GNG12: variants seen among roughly 807,000 people sequenced by gnomAD.
The protein encoded by GNG12 is guanine nucleotide-binding protein G(I)/G(S)/G(O) subunit gamma-12.
For synonymous variants in GNG12, 28 were observed against 29.7 expected (o/e 0.94, Z 0.19); for missense variants, 69 against 83.8 (o/e 0.82, Z 0.69).
chr1:67,804,666 A>G (rs1365425796), intron 1 of GNG12, among the ~76,000 whole-genome samples: 3 of 152,116 alleles, frequency 2.0e-5, no homozygotes, highest in Non-Finnish European at 4.4e-5. Context: ...TTGGAGAGAT[A>G]GGCAGGTAGA....
chr1:67,710,078 ATATATATATAGT>A (rs1272589426), intron 2 of GNG12, among the ~76,000 whole-genome samples: 2 of 23,082 alleles, frequency 8.7e-5, no homozygotes, highest in Non-Finnish European at 1.5e-4. Context: ...ATATATAGTT[ATATATATATAGT>A]TATATATATA....
intron 1 of GNG12, among the ~76,000 whole-genome samples, chr1:67,820,381 C>CAA (rs762387033): frequency 3.8e-5 from 4 of 106,290 alleles, no homozygotes; most frequent in African/African-American, 1.0e-4. Flanking sequence ...GACTCCATCT[C>CAA]AAAAAAAAAA....
rs1207727546 is a variant in GNG12 at position 67,702,987 on chromosome 1, T to C, written c.*2464A>G. 1.3e-5 allele frequency: 2 copies of C among 152,222 alleles called. No homozygotes were observed. The highest frequency in any genetic ancestry group is 2.9e-5 in the Non-Finnish European group (2 of 68,030). The allele number at this position is 152,222 out of a possible 1,614,324, so 9.4% of individuals were successfully genotyped here. On this transcript the variant is annotated 3_prime_UTR_variant, in exon 4 of 4. Transcript: ENST00000370982. ...CCAACTGTTGCAGACAGTTAAACTG[T>C]GGCTTTGTAAGGAGAATAAAGCCTG...
chr1:67,803,873 CAACAA>C (rs373252668), intron 1 of GNG12, among the ~76,000 whole-genome samples: 7 of 152,052 alleles, frequency 4.6e-5, no homozygotes, highest in Non-Finnish European at 8.8e-5. Context: ...GCAAGTGTAC[CAACAA>C]AACAAAACAA....
At chr1:67,780,474 T>C (rs1234851489) in intron 1 of GNG12, among the ~76,000 whole-genome samples, 1 of 152,180 alleles carries the variant, frequency 6.6e-6, no homozygotes, top group African/African-American at 2.4e-5. Context: ...GCAGAATCCC[T>C]GAAGGTTAAT....
chr1:67,762,755 A>G (rs968650464), intron 2 of GNG12, among the ~76,000 whole-genome samples: 8 of 152,172 alleles, frequency 5.3e-5, no homozygotes, highest in African/African-American at 1.9e-4. Context: ...TTTGTAAAAT[A>G]TAATTAAAGT....
At position 67,702,949 on chromosome 1, in the gene GNG12, T is replaced by C. The variant is rs1246180226; in HGVS notation, c.*2502A>G. ...GTAACAAACACTGGGTATTTGTCTA[T>C]CATTAACATAAACCAACTGTTGCAG... is the stretch of plus-strand genomic sequence containing the variant. On this transcript the variant is annotated 3_prime_UTR_variant, in exon 4 of 4. Coordinates refer to ENST00000370982, the MANE Select transcript of GNG12 (RefSeq NM_018841.6). The C allele has an allele frequency of 6.6e-6, 1 of 152,218 alleles. No homozygotes were observed. The highest frequency in any genetic ancestry group is 1.5e-5 in the Non-Finnish European group (1 of 68,024). The allele number at this position is 152,218 out of a possible 1,614,324, so 9.4% of individuals were successfully genotyped here.
chr1:67,767,145 C>T (rs1646645342), intron 2 of GNG12, among the ~76,000 whole-genome samples: 1 of 152,100 alleles, frequency 6.6e-6, no homozygotes, highest in Non-Finnish European at 1.5e-5. Flanking sequence ...AGTGAAAGAT[C>T]CTGAACCTTA....
At chr1:67,821,415 G>T (rs1228440111) in intron 1 of GNG12, among the ~76,000 whole-genome samples, 1 of 152,204 alleles carries the variant, frequency 6.6e-6, no homozygotes, top group East Asian at 1.9e-4. Flanking sequence ...GGGCTCAAGG[G>T]CAAGGACCAG....
chr1:67,832,520 G>A (rs761734775), intron 1 of GNG12: 2 of 151,946 alleles, frequency 1.3e-5, no homozygotes, highest in Non-Finnish European at 2.9e-5. Context: ...AAGTGACAGC[G>A]TTTTAAAGTT....
chr1:67,787,594 T>G (rs979945846), intron 1 of GNG12, among the ~76,000 whole-genome samples: 1 of 152,100 alleles, frequency 6.6e-6, no homozygotes, highest in African/African-American at 2.4e-5. Flanking sequence ...GCCAAGGCCC[T>G]TTTAGGTAAT....
intron 1 of GNG12, among the ~76,000 whole-genome samples, chr1:67,800,771 A>T (rs577277555): frequency 4.6e-5 from 7 of 152,334 alleles, no homozygotes; most frequent in African/African-American, 1.7e-4. Flanking sequence ...TTTTTGTAAC[A>T]TCATTCCAAA....
At chr1:67,743,424 A>C (rs1414706532) in intron 2 of GNG12, among the ~76,000 whole-genome samples, 3 of 152,250 alleles carry the variant, frequency 2.0e-5, no homozygotes, top group African/African-American at 7.2e-5. Flanking sequence ...CATAGCATAA[A>C]TGTCTCCATA....
At chr1:67,764,565 A>G (rs963681465) in intron 2 of GNG12, among the ~76,000 whole-genome samples, 5 of 152,194 alleles carry the variant, frequency 3.3e-5, no homozygotes, top group Admixed American at 3.3e-4. Flanking sequence ...CATTGCAATT[A>G]CCTGACTTTG....
At chr1:67,747,366 C>T (rs974789659) in intron 2 of GNG12, among the ~76,000 whole-genome samples, 11 of 152,220 alleles carry the variant, frequency 7.2e-5, no homozygotes, top group South Asian at 2.1e-4. Context: ...GTGATCTGCC[C>T]GCCTCAGCCT....
At position 67,809,162 on chromosome 1, in the gene GNG12, G is replaced by A. The variant is rs191574139; in HGVS notation, c.-77+24182C>T. ...ACCTGGTCTTTGACAAAGAAGCAAA[G>A]GTAATACAGTGGAGCAAAAATAGTA... is the stretch of plus-strand genomic sequence containing the variant. On this transcript the variant is annotated intron_variant, in intron 1 of 3. Transcript: ENST00000370982. Among the ~76,000 whole-genome samples the A allele has an allele frequency of 3.1e-3, 479 of 152,226 alleles. 3 individuals carry two copies. Among genetic ancestry groups the A allele is most frequent in the African/African-American group, 0.011 (468 of 41,546 alleles).
At position 67,703,425 on chromosome 1, in the gene GNG12, T is replaced by C. The variant is rs2100660007; in HGVS notation, c.*2026A>G. On this transcript the variant is annotated 3_prime_UTR_variant, in exon 4 of 4. Transcript: ENST00000370982. ...TGAAAATATTTTGAAAGAAGCTACATTATAAATATTTAAAGAAACGTTAAA... is the reference window on the plus strand; with the variant it reads ...TGAAAATATTTTGAAAGAAGCTACACTATAAATATTTAAAGAAACGTTAAA... The C allele has an allele frequency of 6.6e-6, 1 of 152,260 alleles. No individual in the cohort carries two copies. Among genetic ancestry groups the C allele is most frequent in the African/African-American group, 2.4e-5 (1 of 41,542 alleles). The allele number at this position is 152,260 out of a possible 1,614,324, so 9.4% of individuals were successfully genotyped here. A position where few individuals can be genotyped will look rare whatever the true frequency, so the allele number is the denominator to read the frequency against.
intron 1 of GNG12, among the ~76,000 whole-genome samples, chr1:67,784,047 CA>C (rs1197475676): frequency 2.0e-5 from 3 of 151,428 alleles, no homozygotes; most frequent in Non-Finnish European, 4.4e-5. Context: ...TTCACAATAG[CA>C]AAGACTTGGA....
chr1:67,832,991 T>A (rs1001393362), intron 1 of GNG12, among the ~76,000 whole-genome samples: 6 of 151,924 alleles, frequency 3.9e-5, no homozygotes, highest in Admixed American at 2.6e-4. Flanking sequence ...AGGGGAGACC[T>A]TTCCTTCCAC....
Sources: gnomAD v4.1 joint callset for allele counts (sites outside exome capture counted in the v4.1 genomes callset) on GRCh38, gnomAD v4.1.1 for gene constraint, MANE v1.5 for transcripts, NCBI Gene and HGNC (gene_info 2026-07-23, HGNC 2026-07-21) for gene names.